CWF19L2: variants seen among roughly 807,000 people sequenced by gnomAD.
CWF19L2 encodes CWF19 like cell cycle control factor 2.
In CWF19L2, 98 loss-of-function variants were observed where a neutral mutation model predicts 111.7. The observed-to-expected ratio is 0.88, with a 90% CI of 0.75 to 1.04. The LOEUF (loss-of-function observed/expected upper bound fraction) is 1.04, where lower values mean the gene tolerates loss of function less well. Ranked by LOEUF, CWF19L2 falls within the 50% of genes least tolerant of loss-of-function variation. The pLI, the probability that CWF19L2 is intolerant of heterozygous loss-of-function variation, is 0.00. For missense variants in CWF19L2, 1,101 were observed against 1,051.4 expected, an observed-to-expected ratio of 1.05 and a Z score of -0.65; for synonymous variants, 351 against 342.9, an observed-to-expected ratio of 1.02 and a Z score of -0.26.
intron 12 of CWF19L2, among the ~76,000 whole-genome samples, chr11:107,382,409 G>A (rs1338110352): frequency 6.6e-6 from 1 of 152,158 alleles, no homozygotes; most frequent in Non-Finnish European, 1.5e-5. Context: ...AAGTTACTTA[G>A]CCTTGCGTTA....
At chr11:107,359,458 C>A (rs1321947070) in intron 12 of CWF19L2, among the ~76,000 whole-genome samples, 1 of 152,158 alleles carries the variant, frequency 6.6e-6, no homozygotes, top group Non-Finnish European at 1.5e-5. Context: ...TGCTCTAAGT[C>A]AGCATCCAAA....
intron 6 of CWF19L2, 120 bp from the exon 7 acceptor site, chr11:107,433,869 C>A (rs553896288): frequency 3.2e-5 from 4 of 126,882 alleles, no homozygotes; most frequent in African/African-American, 6.9e-5. Flanking sequence ...TATATAAGTG[C>A]CTTTGGAATT....
At position 107,348,940 on chromosome 11, in the gene CWF19L2, G is replaced by A. The variant is rs1352720061; in HGVS notation, c.2199C>T (p.Ile733=). Residue 733 remains isoleucine (I), a synonymous_variant, in exon 14 of 18, where the codon ATC becomes ATT. Transcript: ENST00000282251. ...TLLDEDIWEE[I]QMFRKSLVKM... Reference sequence around the variant, plus strand: ...AATGAACATTTATTATGCTGACCTGGATCTCCTCCCAGATGTCTTCATCCA... The same window carrying A: ...AATGAACATTTATTATGCTGACCTGAATCTCCTCCCAGATGTCTTCATCCA... The A allele has an allele frequency of 6.4e-7, 1 of 1,570,156 alleles. No homozygotes were observed.
At chr11:107,439,275 C>A in intron 5 of CWF19L2, 92 bp from the exon 6 acceptor site, 2 of 727,888 alleles carry the variant, frequency 2.7e-6, no homozygotes, top group South Asian at 3.3e-5. Flanking sequence ...AGTTAATAGT[C>A]ATAACCCTGG....
intron 17 of CWF19L2, among the ~76,000 whole-genome samples, chr11:107,329,044 G>A (rs561298520): frequency 1.3e-5 from 2 of 152,230 alleles, no homozygotes; most frequent in South Asian, 2.1e-4. Context: ...GATGAAAGTG[G>A]GGAGCAGGGT....
At chr11:107,400,839 CA>C (rs2135384214) in intron 10 of CWF19L2, among the ~76,000 whole-genome samples, 1 of 152,192 alleles carries the variant, frequency 6.6e-6, no homozygotes, top group Admixed American at 6.5e-5. Flanking sequence ...TAACCGAATC[CA>C]ATGACATATC....
At chr11:107,375,623 T>C (rs1460191173) in intron 12 of CWF19L2, among the ~76,000 whole-genome samples, 2 of 132,028 alleles carry the variant, frequency 1.5e-5, no homozygotes, top group Non-Finnish European at 1.6e-5. Context: ...TTCAAAGCAG[T>C]GTGTAGAGGG....
chr11:107,381,337 AC>A (rs1860683563), intron 12 of CWF19L2, among the ~76,000 whole-genome samples: 1 of 152,150 alleles, frequency 6.6e-6, no homozygotes, highest in African/African-American at 2.4e-5. Flanking sequence ...CACTCCCATC[AC>A]CTATAGGTGA....
At chr11:107,362,374 C>A (rs1234151778) in intron 12 of CWF19L2, among the ~76,000 whole-genome samples, 3 of 151,876 alleles carry the variant, frequency 2.0e-5, no homozygotes, top group Non-Finnish European at 2.9e-5. Context: ...GGGGGCAGGG[C>A]ACAAACAAAC....
chr11:107,353,535 T>G lies in CWF19L2; in HGVS notation c.2074A>C (p.Ile692Leu). 6.2e-7 allele frequency: 1 copy of G among 1,613,222 alleles called. No homozygotes were observed. The change falls in exon 13 of 18, where the codon ATA (isoleucine) becomes CTA (leucine). Residue 692 changes from isoleucine to leucine, a missense_variant. Ile to Leu is a conservative substitution (Grantham distance 5). Transcript: ENST00000282251. ...TAAATACTTCTTACCTTAACACCTATTGCAACAATAAGATGCTTGGGAAAT... is the reference window on the plus strand; with the variant it reads ...TAAATACTTCTTACCTTAACACCTAGTGCAACAATAAGATGCTTGGGAAAT... ...SQFPKHLIVA[I>L]GVKVYLCLPN...
intron 16 of CWF19L2, among the ~76,000 whole-genome samples, chr11:107,333,969 G>C (rs1389395588): frequency 6.6e-6 from 1 of 152,178 alleles, no homozygotes; most frequent in Admixed American, 6.5e-5. Flanking sequence ...TACCATGAAA[G>C]CAGCCATAAG....
chr11:107,427,228 T>TTTTCG (rs35794191), intron 8 of CWF19L2, among the ~76,000 whole-genome samples: 1 of 8,104 alleles, frequency 1.2e-4, no homozygotes, highest in Non-Finnish European at 2.0e-4. Context: ...CAGGAATCTT[T>TTTTCG]TTTTTTGGAT....
At chr11:107,435,643 T>A (rs1387064268) in intron 6 of CWF19L2, among the ~76,000 whole-genome samples, 5 of 152,174 alleles carry the variant, frequency 3.3e-5, no homozygotes, top group Non-Finnish European at 7.4e-5. Context: ...TGATTTCACC[T>A]TTAGTTGATA....
intron 12 of CWF19L2, among the ~76,000 whole-genome samples, chr11:107,354,958 G>A (rs1188638938): frequency 6.6e-6 from 1 of 152,138 alleles, no homozygotes; most frequent in Non-Finnish European, 1.5e-5. Context: ...CCTCCAATGT[G>A]TACTTGTACT....
chr11:107,396,708 G>A (rs1238432403), intron 10 of CWF19L2, among the ~76,000 whole-genome samples: 1 of 152,166 alleles, frequency 6.6e-6, no homozygotes, highest in East Asian at 1.9e-4. Context: ...AGAGCAGCAT[G>A]CAGGGGCTTG....
intron 12 of CWF19L2, among the ~76,000 whole-genome samples, chr11:107,357,640 A>G (rs569907263): frequency 2.0e-5 from 3 of 152,172 alleles, no homozygotes; most frequent in Non-Finnish European, 4.4e-5. Context: ...TCTTCAATAT[A>G]ACTGAAATAT....
chr11:107,447,979 TA>T (rs879417395), intron 3 of CWF19L2, among the ~76,000 whole-genome samples: 66 of 147,260 alleles, frequency 4.5e-4, no homozygotes, highest in Middle Eastern at 3.6e-3. Context: ...CATCTAATGA[TA>T]AAAAAAAAAT....
chr11:107,368,551 T>C (rs1199231799), intron 12 of CWF19L2, among the ~76,000 whole-genome samples: 1 of 137,992 alleles, frequency 7.2e-6, no homozygotes, highest in Non-Finnish European at 1.6e-5. Flanking sequence ...AGAAGAAAGA[T>C]ATAAAGATAT....
chr11:107,416,328 G>T, intron 9 of CWF19L2, 30 bp from the exon 10 acceptor site: 2 of 976,954 alleles, frequency 2.0e-6, no homozygotes, highest in South Asian at 1.8e-5. Context: ...TAAAATATGT[G>T]CGATATGTAG....
Sources: gnomAD v4.1 joint callset for allele counts (sites outside exome capture counted in the v4.1 genomes callset) on GRCh38, gnomAD v4.1.1 for gene constraint, MANE v1.5 for transcripts, NCBI Gene and HGNC (gene_info 2026-07-23, HGNC 2026-07-21) for gene names.